The following HIVEP2 variants were observed in gnomAD, a reference collection of about 807,000 sequenced individuals.
HIVEP2 encodes transcription factor HIVEP2.
HIVEP2 carries 14 observed loss-of-function variants against 180.7 expected under a neutral mutation model. That is an observed-to-expected ratio of 0.08 (90% confidence interval 0.05 to 0.12). The LOEUF (loss-of-function observed/expected upper bound fraction) is 0.12. Ranked by LOEUF, HIVEP2 falls within the 10% of genes least tolerant of loss-of-function variation. HIVEP2 has a pLI of 1.00. For synonymous variants in HIVEP2, 1,184 were observed against 1,136.4 expected (o/e 1.04, Z -0.84); for missense variants, 2,579 against 3,008.5 (o/e 0.86, Z 3.34).
chr6:142,846,572 C>G (rs1326300422), intron 1 of HIVEP2, among the ~76,000 whole-genome samples: 2 of 152,214 alleles, frequency 1.3e-5, no homozygotes, highest in African/African-American at 4.8e-5. Flanking sequence ...TATAACCTGA[C>G]AGTTTTATTG....
intron 2 of HIVEP2, among the ~76,000 whole-genome samples, chr6:142,819,914 C>A (rs904286294): frequency 6.6e-6 from 1 of 152,160 alleles, no homozygotes; most frequent in Admixed American, 6.5e-5. Context: ...GATTCTCACT[C>A]TCTGTTAAAG....
At chr6:142,830,515 A>G (rs1376354964) in intron 2 of HIVEP2, among the ~76,000 whole-genome samples, 2 of 152,178 alleles carry the variant, frequency 1.3e-5, no homozygotes, top group African/African-American at 4.8e-5. Flanking sequence ...GGCAGGGTGA[A>G]GGTTAAGAAA....
In HIVEP2 at chr6:142,752,614, AAAGT is replaced by A. The variant is rs1160513792; in HGVS notation, c.*489_*492del. On this transcript the variant is annotated 3_prime_UTR_variant, in exon 10 of 10. Transcript: ENST00000367603. ...AGAAAAAATGTACAATTTATGAAAC[AAAGT>A]AAATAAATATTAGTATTACAGAATC... is the stretch of plus-strand genomic sequence containing the variant. 1 of 153,880 alleles carries A rather than the reference AAAGT, an allele frequency of 6.5e-6. No homozygotes were observed. The highest frequency in any genetic ancestry group is 1.5e-5 in the Non-Finnish European group (1 of 68,846). 9.5% of individuals were successfully genotyped at this position (153,880 alleles called of 1,614,324 possible). A position where few individuals can be genotyped will look rare whatever the true frequency, so the allele number is the denominator to read the frequency against.
At chr6:142,802,746 G>C (rs1178517550) in intron 2 of HIVEP2, among the ~76,000 whole-genome samples, 2 of 152,050 alleles carry the variant, frequency 1.3e-5, no homozygotes, top group African/African-American at 2.4e-5. Context: ...GGAGAGAAGA[G>C]AATCATGAAC....
intron 1 of HIVEP2, among the ~76,000 whole-genome samples, chr6:142,898,531 GCACGCCTGTCATC>G (rs1038215628): frequency 1.6e-4 from 25 of 152,178 alleles, no homozygotes; most frequent in Admixed American, 1.3e-3. Flanking sequence ...GTGTGGTGGT[GCACGCCTGTCATC>G]CCAGCTACTC....
chr6:142,859,508 T>C (rs961827731), intron 1 of HIVEP2, among the ~76,000 whole-genome samples: 2 of 147,958 alleles, frequency 1.4e-5, no homozygotes, highest in Non-Finnish European at 3.0e-5. Context: ...CATAAGCTTG[T>C]CGAAACAAAG....
chr6:142,824,089 A>G (rs1210407330), intron 2 of HIVEP2, among the ~76,000 whole-genome samples: 1 of 152,178 alleles, frequency 6.6e-6, no homozygotes, highest in Non-Finnish European at 1.5e-5. Flanking sequence ...ATACAATTAC[A>G]TTACATGCTT....
intron 1 of HIVEP2, among the ~76,000 whole-genome samples, chr6:142,859,726 TG>T (rs1477975503): frequency 6.8e-6 from 1 of 146,946 alleles, no homozygotes; most frequent in Non-Finnish European, 1.5e-5. Flanking sequence ...CCTAGCTACT[TG>T]GGAGGCTGAG....
intron 1 of HIVEP2, among the ~76,000 whole-genome samples, chr6:142,842,799 AT>A (rs74602075): frequency 1.7e-3 from 257 of 151,588 alleles, no homozygotes; most frequent in African/African-American, 5.9e-3. Context: ...TTAGTATAAG[AT>A]TTTTTTTTAA....
At chr6:142,883,434 A>C (rs1160877363) in intron 1 of HIVEP2, among the ~76,000 whole-genome samples, 1 of 152,078 alleles carries the variant, frequency 6.6e-6, no homozygotes. Context: ...ATCAACAGAC[A>C]AGCAGCTATT....
chr6:142,850,507 G>A lies in HIVEP2; in HGVS notation c.-640-13460C>T, dbSNP rs9942438. ...ACTTTGACCATATAATTTTCAAGCT[G>A]AACAAAGCTTTAGAGATCATCCACT... is the stretch of plus-strand genomic sequence containing the variant. On this transcript the variant is annotated intron_variant, in intron 1 of 9. Transcript: ENST00000367603. Among the ~76,000 whole-genome samples, 521 of 152,258 alleles carry A rather than the reference G, an allele frequency of 3.4e-3. 3 individuals carry two copies. Among genetic ancestry groups the A allele is most frequent in the African/African-American group, 0.012 (499 of 41,538 alleles).
At chr6:142,927,331 A>C (rs1205697450) in intron 1 of HIVEP2, among the ~76,000 whole-genome samples, 1 of 152,108 alleles carries the variant, frequency 6.6e-6, no homozygotes, top group African/African-American at 2.4e-5. Context: ...TCTTTTTTCC[A>C]CTAGGATTAT....
chr6:142,776,066 T>A (rs750725604), intron 4 of HIVEP2, 81 bp downstream of exon 4: 1 of 152,374 alleles, frequency 6.6e-6, no homozygotes, highest in Non-Finnish European at 1.5e-5. Context: ...AAAGGGTGCA[T>A]CTAAACAAAA....
At position 142,939,910 on chromosome 6, in the gene HIVEP2, G is replaced by A. The variant is rs566180448; in HGVS notation, c.-641+5189C>T. Among the ~76,000 whole-genome samples, 20 of 152,246 alleles carry A rather than the reference G, an allele frequency of 1.3e-4. No homozygotes were observed. The South Asian group carries it at 3.9e-3, about 30-fold the overall frequency. ...ACAGAAAAAAAAGTAATCAAATGATGCAGTGGAAAAAATAAAGGAAAGTGA... is the reference window on the plus strand; with the variant it reads ...ACAGAAAAAAAAGTAATCAAATGATACAGTGGAAAAAATAAAGGAAAGTGA... On this transcript the variant is annotated intron_variant, in intron 1 of 9. Transcript: ENST00000367603.
At chr6:142,785,217 A>G (rs1775958565) in intron 2 of HIVEP2, among the ~76,000 whole-genome samples, 1 of 151,376 alleles carries the variant, frequency 6.6e-6, no homozygotes, top group African/African-American at 2.4e-5. Context: ...AACACACTAA[A>G]TATCACATCT....
chr6:142,783,287 C>T (rs1775900821), intron 3 of HIVEP2, among the ~76,000 whole-genome samples: 1 of 123,828 alleles, frequency 8.1e-6, no homozygotes, highest in Non-Finnish European at 1.6e-5. Context: ...AAGATTGTGC[C>T]ACTGCACTCC....
At chr6:142,779,712 A>G (rs1463124021) in intron 3 of HIVEP2, 1 of 152,252 alleles carries the variant, frequency 6.6e-6, no homozygotes, top group Non-Finnish European at 1.5e-5. Flanking sequence ...AATTTATTTC[A>G]TAAGTTATTC....
At chr6:142,929,520 A>T (rs1777893209) in intron 1 of HIVEP2, among the ~76,000 whole-genome samples, 1 of 152,210 alleles carries the variant, frequency 6.6e-6, no homozygotes, top group African/African-American at 2.4e-5. Flanking sequence ...CCTCTTTTAC[A>T]CCATGAAAGA....
At chr6:142,825,977 T>A (rs1317584214) in intron 2 of HIVEP2, among the ~76,000 whole-genome samples, 1 of 152,084 alleles carries the variant, frequency 6.6e-6, no homozygotes, top group Non-Finnish European at 1.5e-5. Context: ...AATAAAGCAA[T>A]AAATATCTTC....
Sources: allele counts gnomAD v4.1 joint callset (sites outside exome capture counted in the v4.1 genomes callset), GRCh38; gene constraint gnomAD v4.1.1; transcripts MANE v1.5; gene names NCBI Gene and HGNC (gene_info 2026-07-23, HGNC 2026-07-21).